Variants in UBASH3B observed in about 807,000 individuals in gnomAD.
UBASH3B encodes ubiquitin associated and SH3 domain containing B, also known as ubiquitin-associated and SH3 domain-containing protein B.
UBASH3B carries 37 observed loss-of-function variants against 83.4 expected under a neutral mutation model. The ratio of observed to expected loss-of-function variants is 0.44; its 90% CI spans 0.34 to 0.58. The LOEUF (loss-of-function observed/expected upper bound fraction) is 0.58. UBASH3B is among the 20% of genes least tolerant of loss of function. The pLI, the probability that UBASH3B is intolerant of heterozygous loss-of-function variation, is 0.01. For missense variants in UBASH3B, 657 were observed against 827.2 expected (o/e 0.79, Z 2.52); for synonymous variants, 304 against 318.3 (o/e 0.96, Z 0.48).
In UBASH3B at chr11:122,777,125, A is replaced by G. The variant is rs751852592; in HGVS notation, c.317A>G (p.Asp106Gly). ...GGCCCCTTAGCACAGAAGCTTTCCGACTTTTGGCAGCAGTCGAAGCAGATC... is the reference window on the plus strand; with the variant it reads ...GGCCCCTTAGCACAGAAGCTTTCCGGCTTTTGGCAGCAGTCGAAGCAGATC... The part of the protein sequence containing the change: ...PTGPLAQKLS[D>G]FWQQSKQICG... Residue 106 changes from aspartate to glycine, a missense_variant, in exon 3 of 14, where the codon GAC (aspartate) becomes GGC (glycine). Transcript: ENST00000284273. The G allele has an allele frequency of 2.5e-6, 4 of 1,613,990 alleles. No individual in the cohort carries two copies. Among genetic ancestry groups the G allele is most frequent in the Admixed American group, 1.7e-5 (1 of 59,998 alleles).
chr11:122,771,407 A>G (rs528380061), intron 1 of UBASH3B, among the ~76,000 whole-genome samples: 1 of 151,910 alleles, frequency 6.6e-6, no homozygotes, highest in South Asian at 2.1e-4. Context: ...CGCCCGGCTA[A>G]TTTTTGTATT....
chr11:122,763,652 G>A (rs1441722495), intron 1 of UBASH3B, among the ~76,000 whole-genome samples: 1 of 152,112 alleles, frequency 6.6e-6, no homozygotes, highest in Non-Finnish European at 1.5e-5. Context: ...TTGATTGTGG[G>A]ATGTGCAGCT....
In UBASH3B at chr11:122,806,505, G is replaced by T; in HGVS notation, c.1691G>T (p.Cys564Phe). ...GTAACAAAAGAAATAATAAGTGAAT[G>T]TAAAAGTAAAGGTAAGTGGTATTAT... ...FQVTKEIISE[C>F]KSKGNNILIV... The change falls in exon 12 of 14, where the codon TGT becomes TTT. Residue 564 changes from cysteine to phenylalanine, a missense_variant. Coordinates refer to ENST00000284273, the MANE Select transcript of UBASH3B (RefSeq NM_032873.5). The surrounding 1 kb of genome is among the most constrained non-coding windows in gnomAD (Gnocchi z 4.0). The T allele has an allele frequency of 6.2e-7, 1 of 1,603,310 alleles. No individual in the cohort carries two copies. The highest frequency in any genetic ancestry group is 8.5e-7 in the Non-Finnish European group (1 of 1,175,932).
chr11:122,752,869 A>G (rs142921374), intron 1 of UBASH3B, among the ~76,000 whole-genome samples: 2 of 152,116 alleles, frequency 1.3e-5, no homozygotes, highest in East Asian at 1.9e-4. Context: ...TGATTCATAC[A>G]AACAACCAAC....
chr11:122,671,925 G>T (rs1329033801), intron 1 of UBASH3B, among the ~76,000 whole-genome samples: 1 of 152,102 alleles, frequency 6.6e-6, no homozygotes, highest in East Asian at 1.9e-4. Flanking sequence ...TTGTTGTTTG[G>T]TTTTTTAATG....
chr11:122,697,851 A>G (rs1381965501), intron 1 of UBASH3B, among the ~76,000 whole-genome samples: 1 of 152,198 alleles, frequency 6.6e-6, no homozygotes, highest in African/African-American at 2.4e-5. Flanking sequence ...GGAGCTTCAT[A>G]GACCTGACAC....
chr11:122,662,203 G>A (rs978343553), intron 1 of UBASH3B, among the ~76,000 whole-genome samples: 2 of 151,132 alleles, frequency 1.3e-5, no homozygotes, highest in East Asian at 2.0e-4. Context: ...CACCCTGCCC[G>A]GCCAGCCGAT....
At chr11:122,659,233 G>A (rs968127709) in intron 1 of UBASH3B, among the ~76,000 whole-genome samples, 1 of 152,068 alleles carries the variant, frequency 6.6e-6, no homozygotes, top group Non-Finnish European at 1.5e-5. Context: ...CAGCTTCTAG[G>A]GATTAGGATG....
chr11:122,744,079 C>T (rs1037709173), intron 1 of UBASH3B, among the ~76,000 whole-genome samples: 8 of 152,220 alleles, frequency 5.3e-5, no homozygotes, highest in Non-Finnish European at 8.8e-5. Flanking sequence ...TGAGATGTCC[C>T]TTTTGAATCC....
intron 8 of UBASH3B, 143 bp downstream of exon 8, chr11:122,796,419 T>C: frequency 7.6e-7 from 1 of 1,314,910 alleles, no homozygotes; most frequent in Non-Finnish European, 1.0e-6. Context: ...CCCCTCCTGA[T>C]TGTCTTGAGC....
At chr11:122,662,405 GCCA>G (rs1206322738) in intron 1 of UBASH3B, among the ~76,000 whole-genome samples, 3 of 150,446 alleles carry the variant, frequency 2.0e-5, no homozygotes, top group African/African-American at 7.3e-5. Context: ...ACCCTGAGCA[GCCA>G]CCAGTCGCTT....
In UBASH3B at chr11:122,806,268, C is replaced by A; in HGVS notation, c.1596-142C>A. ...ATAGTAGAAATGCTGTTCCCTATAC[C>A]TTTCTCCTTTCTAGGGAAATGGATA... On this transcript the variant is annotated intron_variant, in intron 11 of 13. Coordinates refer to ENST00000284273, the MANE Select transcript of UBASH3B (RefSeq NM_032873.5). This position sits in a 1 kb window ranked among gnomAD's most constrained non-coding sequence, Gnocchi z 4.0. 1.5e-6 allele frequency: 1 copy of A among 681,866 alleles called. No individual in the cohort carries two copies. The allele number at this position is 681,866 out of a possible 1,614,324, so 42.2% of individuals were successfully genotyped here. A position where few individuals can be genotyped will look rare whatever the true frequency, so the allele number is the denominator to read the frequency against.
At chr11:122,702,018 T>C (rs1319124564) in intron 1 of UBASH3B, among the ~76,000 whole-genome samples, 2 of 152,122 alleles carry the variant, frequency 1.3e-5, no homozygotes, top group African/African-American at 2.4e-5. Flanking sequence ...CACGCCCAGC[T>C]GTAATGCCAC....
intron 1 of UBASH3B, among the ~76,000 whole-genome samples, chr11:122,729,000 C>T (rs998503672): frequency 3.8e-5 from 5 of 130,300 alleles, no homozygotes; most frequent in South Asian, 2.6e-4. Context: ...TCCCTGCTTT[C>T]GGCTCTATCA....
At chr11:122,783,300 A>C in intron 5 of UBASH3B, 78 bp downstream of exon 5, 1 of 1,517,622 alleles carries the variant, frequency 6.6e-7, no homozygotes, top group Non-Finnish European at 8.9e-7. Context: ...CTGCAGGGAG[A>C]TGGGTACCTA....
intron 1 of UBASH3B, among the ~76,000 whole-genome samples, chr11:122,751,126 G>A (rs1861192627): frequency 6.7e-6 from 1 of 148,874 alleles, no homozygotes. Context: ...CATGTTTTGG[G>A]AAAGTGCATA....
At chr11:122,754,111 C>T (rs953446209) in intron 1 of UBASH3B, among the ~76,000 whole-genome samples, 1 of 152,056 alleles carries the variant, frequency 6.6e-6, no homozygotes, top group African/African-American at 2.4e-5. Context: ...GCATTTTGGC[C>T]GCTGCACGTC....
intron 1 of UBASH3B, among the ~76,000 whole-genome samples, chr11:122,734,070 A>G (rs1860892293): frequency 6.6e-6 from 1 of 152,080 alleles, no homozygotes; most frequent in South Asian, 2.1e-4. Flanking sequence ...TGTTTTAAGT[A>G]AAGATGGGGT....
chr11:122,736,017 G>A (rs1473275993), intron 1 of UBASH3B, among the ~76,000 whole-genome samples: 3 of 152,220 alleles, frequency 2.0e-5, no homozygotes, highest in Non-Finnish European at 4.4e-5. Context: ...AAATGGGAGA[G>A]AAGACAGGAA....
Sources: allele counts gnomAD v4.1 joint callset (sites outside exome capture counted in the v4.1 genomes callset), GRCh38; gene constraint gnomAD v4.1.1; non-coding constraint Gnocchi (gnomAD v3.1); transcripts MANE v1.5; gene names NCBI Gene and HGNC (gene_info 2026-07-23, HGNC 2026-07-21).